The following PLSCR2 variants were observed in gnomAD, a reference collection of about 807,000 sequenced individuals.
PLSCR2 encodes the protein PL scramblase 2.
A neutral mutation model predicts 25.3 loss-of-function variants in PLSCR2; 18 were observed. The ratio of observed to expected loss-of-function variants is 0.71; its 90% CI spans 0.49 to 1.06. The LOEUF is 1.06. PLSCR2 is among the 50% of genes least tolerant of loss of function. PLSCR2 has a pLI of 0.00. For synonymous variants in PLSCR2, 88 were observed against 87.3 expected, an observed-to-expected ratio of 1.01 and a Z score of -0.04; for missense variants, 243 against 269.5, an observed-to-expected ratio of 0.90 and a Z score of 0.69.
intron 6 of PLSCR2, among the ~76,000 whole-genome samples, chr3:146,448,290 T>C (rs1460613543): frequency 6.6e-6 from 1 of 152,246 alleles, no homozygotes; most frequent in Non-Finnish European, 1.5e-5. Context: ...TTAATCTTTA[T>C]CCCATTATTT....
At chr3:146,417,707 T>C (rs1368875564) in intron 2 of PLSCR2, among the ~76,000 whole-genome samples, 1 of 152,248 alleles carries the variant, frequency 6.6e-6, no homozygotes, top group Non-Finnish European at 1.5e-5. Context: ...ACATGTATTG[T>C]ATATTTCAAA....
At chr3:146,460,209 G>T in exon 1 of PLSCR2, 1 of 1,390,848 alleles carries the variant, frequency 7.2e-7, no homozygotes, top group Non-Finnish European at 9.3e-7. Context: ...GAAGCTTGAG[G>T]TATGTTTTTA....
chr3:146,454,341 G>A (rs936056714), intron 4 of PLSCR2, among the ~76,000 whole-genome samples, 178 bp from the exon 5 acceptor site: 1 of 151,932 alleles, frequency 6.6e-6, no homozygotes, highest in African/African-American at 2.4e-5. Context: ...AAATTATAGA[G>A]CATTTCCCAT....
intron 8 of PLSCR2, among the ~76,000 whole-genome samples, chr3:146,434,408 A>C (rs182721685): frequency 6.6e-6 from 1 of 152,270 alleles, no homozygotes; most frequent in Non-Finnish European, 1.5e-5. Flanking sequence ...GCTTACTTGG[A>C]ATCGTACAAA....
chr3:146,427,128 A>C (rs73865703), intron 2 of PLSCR2, among the ~76,000 whole-genome samples: 2,210 of 152,338 alleles, frequency 0.015, 63 homozygotes, highest in African/African-American at 0.05. Flanking sequence ...GACAACTTTG[A>C]GAACTTTCAA....
rs565607546 is a variant in PLSCR2, at chr3:146,443,941, G to A, written c.646-2120C>T. 9.9e-5 allele frequency among the ~76,000 whole-genome samples: 15 copies of A among 151,808 alleles called. No homozygotes were observed. In the East Asian group the frequency reaches 2.3e-3, roughly 23 times the overall value. On this transcript the variant is annotated intron_variant, in intron 6 of 6. Coordinates refer to ENST00000610787, the Ensembl canonical transcript of PLSCR2. The stretch of plus-strand genomic sequence containing the variant: ...AGTACTGCTTTTGCTGTATCCCATG[G>A]CTTTTGGTATGTTCTGTTTCCATTA...
intron 2 of PLSCR2, among the ~76,000 whole-genome samples, chr3:146,419,354 C>A (rs892895094): frequency 6.6e-6 from 1 of 152,072 alleles, no homozygotes; most frequent in Non-Finnish European, 1.5e-5. Context: ...TTTCCACTAA[C>A]AGTCTTGTAA....
chr3:146,489,609 A>G (rs992064887), intron 1 of PLSCR2, among the ~76,000 whole-genome samples: 1 of 152,148 alleles, frequency 6.6e-6, no homozygotes, highest in Admixed American at 6.5e-5. Context: ...TTAAAGGAAT[A>G]CAAGTGTATT....
chr3:146,489,215 G>T (rs1204031012), intron 1 of PLSCR2, among the ~76,000 whole-genome samples: 1 of 151,872 alleles, frequency 6.6e-6, no homozygotes, highest in East Asian at 1.9e-4. Context: ...ATGCATGTGG[G>T]GCTTAATACC....
intron 2 of PLSCR2, among the ~76,000 whole-genome samples, chr3:146,427,731 T>C (rs978465978): frequency 1.3e-5 from 2 of 152,164 alleles, no homozygotes; most frequent in African/African-American, 4.8e-5. Flanking sequence ...AGTTCAGCAT[T>C]CCCAATACTT....
intron 2 of PLSCR2, among the ~76,000 whole-genome samples, chr3:146,421,834 C>A (rs2039164115): frequency 6.6e-6 from 1 of 152,046 alleles, no homozygotes; most frequent in African/African-American, 2.4e-5. Flanking sequence ...GAGGGCTTAG[C>A]CAGAAAAATA....
At chr3:146,484,242 A>G (rs1470064383) in intron 1 of PLSCR2, among the ~76,000 whole-genome samples, 1 of 150,616 alleles carries the variant, frequency 6.6e-6, no homozygotes, top group Non-Finnish European at 1.5e-5. Flanking sequence ...ATTAGAGAAA[A>G]AAGAATGAAA....
chr3:146,453,466 G>A (rs1415423353), intron 5 of PLSCR2, among the ~76,000 whole-genome samples: 2 of 152,034 alleles, frequency 1.3e-5, no homozygotes, highest in Non-Finnish European at 2.9e-5. Flanking sequence ...GACATATGGT[G>A]GTTTCCAATG....
At chr3:146,399,157 A>G (rs2038376516) in intron 2 of PLSCR2, among the ~76,000 whole-genome samples, 1 of 151,924 alleles carries the variant, frequency 6.6e-6, no homozygotes, top group African/African-American at 2.4e-5. Context: ...TGCCATGCCC[A>G]TGAAACACAA....
intron 2 of PLSCR2, among the ~76,000 whole-genome samples, chr3:146,411,968 A>G (rs1268101078): frequency 2.2e-5 from 3 of 136,776 alleles, no homozygotes; most frequent in African/African-American, 8.4e-5. Flanking sequence ...TTGCATTCTT[A>G]GATGTGCTAG....
At chr3:146,480,814 CATTG>C (rs2043104040) in intron 1 of PLSCR2, among the ~76,000 whole-genome samples, 1 of 151,938 alleles carries the variant, frequency 6.6e-6, no homozygotes, top group South Asian at 2.1e-4. Flanking sequence ...CCCTGATGAT[CATTG>C]ATGTGAAAAT....
intron 8 of PLSCR2, among the ~76,000 whole-genome samples, chr3:146,433,815 C>T (rs2039653893): frequency 6.6e-6 from 1 of 152,100 alleles, no homozygotes; most frequent in African/African-American, 2.4e-5. Flanking sequence ...TTCTGTAGCT[C>T]CACTGCTATA....
chr3:146,394,518 G>A (rs537026622), intron 3 of PLSCR2, among the ~76,000 whole-genome samples: 2 of 151,994 alleles, frequency 1.3e-5, no homozygotes, highest in African/African-American at 4.8e-5. Context: ...TGCCCACCTC[G>A]CCCTCCCAAA....
chr3:146,402,596 T>C, intron 2 of PLSCR2, among the ~76,000 whole-genome samples: 1 of 152,020 alleles, frequency 6.6e-6, no homozygotes. Context: ...GCCTCCCGAG[T>C]AGCCAAGACT....
Sources: allele counts gnomAD v4.1 joint callset (sites outside exome capture counted in the v4.1 genomes callset), GRCh38; gene constraint gnomAD v4.1.1; transcripts MANE v1.5; gene names NCBI Gene and HGNC (gene_info 2026-07-23, HGNC 2026-07-21).